APAF1: variants seen among roughly 807,000 people sequenced by gnomAD.
APAF1 encodes the protein apoptotic protease-activating factor 1.
A neutral mutation model predicts 152.4 loss-of-function variants in APAF1; 91 were observed. The observed-to-expected ratio is 0.60, with a 90% CI of 0.50 to 0.71. The LOEUF is 0.71. Among genes scored for constraint, APAF1 ranks in the 30% least tolerant of loss-of-function variants. The pLI is 0.00. For synonymous variants in APAF1, 484 were observed against 494.1 expected (o/e 0.98, Z 0.27); for missense variants, 1,283 against 1,472.0 (o/e 0.87, Z 2.10).
At chr12:98,716,164 C>A (rs762663868) in intron 22 of APAF1, among the ~76,000 whole-genome samples, 44 of 152,158 alleles carry the variant, frequency 2.9e-4, no homozygotes, top group Admixed American at 7.9e-4. Context: ...TTAGATGATT[C>A]TTTTGATATT....
chr12:98,706,432 C>T (rs578212318), intron 18 of APAF1, 53 bp from the exon 19 acceptor site: 1 of 1,600,592 alleles, frequency 6.2e-7, no homozygotes, highest in Non-Finnish European at 8.6e-7. Flanking sequence ...TATTTTTGCT[C>T]TCTTCAAAAT....
At position 98,723,678 on chromosome 12, in the gene APAF1, G is replaced by A. The variant is rs2097746397; in HGVS notation, c.3244G>A (p.Val1082Ile). 1.9e-6 allele frequency: 3 copies of A among 1,542,018 alleles called. No individual in the cohort carries two copies. The highest frequency in any genetic ancestry group is 2.2e-5 in the South Asian group (2 of 89,256). ...TACTGGAAATAAAGAAAAAGACTTTGTCTGTCACCAGGGTACAGTACTTTC... is the reference window on the plus strand; with the variant it reads ...TACTGGAAATAAAGAAAAAGACTTTATCTGTCACCAGGGTACAGTACTTTC... ...IITGNKEKDF[V>I]CHQGTVLSCD... Residue 1082 changes from valine (V) to isoleucine (I), a missense_variant, in exon 24 of 27, where the codon GTC becomes ATC. Val to Ile is a conservative substitution (Grantham distance 29, BLOSUM62 3). Coordinates refer to ENST00000551964, the MANE Select transcript of APAF1 (RefSeq NM_181861.2).
intron 16 of APAF1, among the ~76,000 whole-genome samples, chr12:98,687,752 T>A (rs2097699511): frequency 6.6e-6 from 1 of 152,200 alleles, no homozygotes; most frequent in South Asian, 2.1e-4. Flanking sequence ...ACATGAACTT[T>A]GGGGGACACG....
At position 98,671,596 on chromosome 12, in the gene APAF1, G is replaced by C; in HGVS notation, c.1670G>C (p.Arg557Pro). 1 of 1,613,946 alleles carries C rather than the reference G, an allele frequency of 6.2e-7. No homozygotes were observed. The change falls in exon 12 of 27, where the codon CGA becomes CCA. Residue 557 changes from arginine to proline, a missense_variant. Physicochemically the swap from Arg to Pro is moderately radical, Grantham distance 103 (BLOSUM62 -2). Coordinates refer to ENST00000551964, the MANE Select transcript of APAF1 (RefSeq NM_181861.2). Reference protein sequence around the residue: ...FLSLNGHLLGRQPFPNIVQLG... With the variant: ...FLSLNGHLLGPQPFPNIVQLG... ...TCTTTAAATGGACACCTTCTTGGAC[G>C]ACAGCCATTTCCTAATATTGTACAA...
chr12:98,657,313 A>G (rs2097659048), intron 4 of APAF1, among the ~76,000 whole-genome samples: 1 of 152,144 alleles, frequency 6.6e-6, no homozygotes. Flanking sequence ...TTTATTGTCC[A>G]TCATTCAGTT....
chr12:98,706,644 T>A, intron 19 of APAF1, 34 bp downstream of exon 19: 1 of 1,612,798 alleles, frequency 6.2e-7, no homozygotes, highest in Non-Finnish European at 8.5e-7. Flanking sequence ...TTTGAACATT[T>A]CCTGATGGTG....
intron 16 of APAF1, among the ~76,000 whole-genome samples, chr12:98,693,777 A>G (rs76998785): frequency 0.026 from 3,835 of 148,734 alleles, 169 homozygotes; most frequent in African/African-American, 0.09. Context: ...TTTAAATTGG[A>G]ACACTTGTTT....
chr12:98,710,779 A>G (rs2097727134), intron 20 of APAF1, among the ~76,000 whole-genome samples: 1 of 152,190 alleles, frequency 6.6e-6, no homozygotes. Flanking sequence ...TGGAGAGAAT[A>G]GTGACTTTTC....
chr12:98,665,836 A>C, intron 8 of APAF1, 45 bp downstream of exon 8: 2 of 1,443,200 alleles, frequency 1.4e-6, no homozygotes, highest in Non-Finnish European at 2.0e-6. Flanking sequence ...TATTGCATGT[A>C]AGCTTTGATA....
Position 98,699,587 on chromosome 12 carries a change from C to T in APAF1, c.2466+18C>T. On this transcript the variant is annotated intron_variant, in intron 17 of 26. Transcript: ENST00000551964. ...AAATCTTTGTAAGTACTTTAAAAAG[C>T]CAACTTCAGTCTGATTTAAAGAAAG... 1 of 1,613,048 alleles carries T rather than the reference C, an allele frequency of 6.2e-7. No homozygotes were observed. Among genetic ancestry groups the T allele is most frequent in the Non-Finnish European group, 8.5e-7 (1 of 1,179,114 alleles).
intron 22 of APAF1, among the ~76,000 whole-genome samples, chr12:98,716,567 A>G (rs2097734924): frequency 6.6e-6 from 1 of 152,208 alleles, no homozygotes; most frequent in Non-Finnish European, 1.5e-5. Flanking sequence ...TTTGCTGCCT[A>G]ATCTTTCTCT....
chr12:98,689,306 T>C (rs1273908277), intron 16 of APAF1, among the ~76,000 whole-genome samples: 1 of 152,194 alleles, frequency 6.6e-6, no homozygotes, highest in African/African-American at 2.4e-5. Context: ...ACTGTCCCTG[T>C]ATGTGTTTCT....
rs919989844 is a variant in APAF1 at position 98,674,893 on chromosome 12, T to G, written c.1794-2532T>G. On this transcript the variant is annotated intron_variant, in intron 12 of 26. Transcript: ENST00000551964. The stretch of plus-strand genomic sequence containing the variant: ...AATAGCATTTAGCATTTTTCTGGTC[T>G]GTATTCAGTATAAATTTATGGAAGA... Among the ~76,000 whole-genome samples, 7 of 152,358 alleles carry G rather than the reference T, an allele frequency of 4.6e-5. No individual in the cohort carries two copies. The East Asian group carries it at 1.3e-3, about 29-fold the overall frequency.
intron 22 of APAF1, among the ~76,000 whole-genome samples, chr12:98,719,516 A>AT (rs60298983): frequency 1.2e-3 from 172 of 138,302 alleles, no homozygotes; most frequent in East Asian, 2.1e-3. Context: ...TTTCCGGCTA[A>AT]TTTTTTTTTT....
intron 22 of APAF1, among the ~76,000 whole-genome samples, chr12:98,722,050 A>G (rs978562572): frequency 1.3e-5 from 2 of 152,082 alleles, no homozygotes; most frequent in African/African-American, 2.4e-5. Flanking sequence ...TACCTTCCCA[A>G]CCTTTTTTCT....
chr12:98,722,379 G>C (rs1361296526), intron 22 of APAF1, among the ~76,000 whole-genome samples: 1 of 152,042 alleles, frequency 6.6e-6, no homozygotes, highest in Non-Finnish European at 1.5e-5. Flanking sequence ...CTTTATGCTA[G>C]ATCCTTGTTT....
intron 22 of APAF1, among the ~76,000 whole-genome samples, chr12:98,721,040 T>C (rs2097741923): frequency 6.6e-6 from 1 of 152,238 alleles, no homozygotes; most frequent in Admixed American, 6.5e-5. Context: ...AAAAAAATTC[T>C]ACAAGTATAT....
chr12:98,720,210 G>A (rs1435354753), intron 22 of APAF1, among the ~76,000 whole-genome samples: 2 of 152,152 alleles, frequency 1.3e-5, no homozygotes, highest in Non-Finnish European at 2.9e-5. Context: ...CAGCTAGGGG[G>A]AAGAATAATT....
chr12:98,686,744 A>G lies in APAF1; in HGVS notation c.2179-4A>G. The G allele has an allele frequency of 6.2e-7, 1 of 1,613,138 alleles. No homozygotes were observed. Among genetic ancestry groups the G allele is most frequent in the South Asian group, 1.1e-5 (1 of 90,992 alleles). On this transcript the variant is annotated splice_polypyrimidine_tract_variant and splice_region_variant and intron_variant, in intron 15 of 26. Transcript: ENST00000551964. ...TTATTTATCTTTTTTTCTTTCACAAATAGCTTTGGGATTTGAATCAAAAAG... is the reference window on the plus strand; with the variant it reads ...TTATTTATCTTTTTTTCTTTCACAAGTAGCTTTGGGATTTGAATCAAAAAG...
Sources: allele counts gnomAD v4.1 joint callset (sites outside exome capture counted in the v4.1 genomes callset), GRCh38; gene constraint gnomAD v4.1.1; transcripts MANE v1.5; gene names NCBI Gene and HGNC (gene_info 2026-07-23, HGNC 2026-07-21).